PCNX4: variants seen among roughly 807,000 people sequenced by gnomAD.
PCNX4 encodes pecanex 4.
PCNX4 carries 103 observed loss-of-function variants against 107.2 expected under a neutral mutation model. The ratio of observed to expected loss-of-function variants is 0.96; its 90% CI spans 0.82 to 1.13. PCNX4 has a LOEUF of 1.13. Ranked by LOEUF, PCNX4 falls within the 50% of genes most tolerant of loss-of-function variation. The pLI, the probability that PCNX4 is intolerant of heterozygous loss-of-function variation, is 0.00. For missense variants in PCNX4, 1,528 were observed against 1,379.4 expected, an observed-to-expected ratio of 1.11 and a Z score of -1.71; for synonymous variants, 541 against 481.7, an observed-to-expected ratio of 1.12 and a Z score of -1.61.
intron 10 of PCNX4, among the ~76,000 whole-genome samples, chr14:60,129,898 C>T (rs771943096): frequency 6.6e-6 from 1 of 151,530 alleles, no homozygotes. Context: ...ATAGTCAATA[C>T]GAGAGAAAGT....
At chr14:60,103,259 A>G (rs757823570) in intron 1 of PCNX4, among the ~76,000 whole-genome samples, 6 of 152,194 alleles carry the variant, frequency 3.9e-5, no homozygotes, top group African/African-American at 7.2e-5. Flanking sequence ...CATTAGTTAC[A>G]TGATCTGTTA....
rs1895840559 is a variant in PCNX4, at chr14:60,115,969, T to A, written c.1487T>A (p.Leu496Ter). The A allele has an allele frequency of 6.2e-7, 1 of 1,611,888 alleles. No homozygotes were observed. The highest frequency in any genetic ancestry group is 1.1e-5 in the South Asian group (1 of 90,736). The change falls in exon 6 of 11, where the codon TTG (leucine) becomes TAG (stop). Residue 496 changes from leucine to a stop codon, truncating the protein, a stop_gained. Coordinates refer to ENST00000406854, the MANE Select transcript of PCNX4 (RefSeq NM_001330177.2). LOFTEE classifies it high-confidence loss of function. ...MVWQNTENAL[L>*]ETVIVSTVHL... ...TGGCAGAATACAGAAAATGCTTTAT[T>A]GGAGACAGTCATTGTATCAACAGTA...
In PCNX4 at chr14:60,114,844, C is replaced by T. The variant is rs1238261832; in HGVS notation, c.834C>T (p.Phe278=). The change falls in exon 3 of 11, where the codon TTC becomes TTT. Residue 278 remains phenylalanine (F), a synonymous_variant. Coordinates refer to ENST00000406854, the MANE Select transcript of PCNX4 (RefSeq NM_001330177.2). ...GGGCAATGGAGCAGGTTTTAGAGTT[C>T]GGCCTTGGAGGCTCATCTATGTCAA... is the stretch of plus-strand genomic sequence containing the variant. ...LLWAMEQVLE[F]GLGGSSMSTH... is the part of the protein sequence containing the mutation. The T allele has an allele frequency of 6.2e-6, 10 of 1,613,264 alleles. No homozygotes were observed. Among genetic ancestry groups the T allele is most frequent in the Non-Finnish European group, 6.8e-6 (8 of 1,179,618 alleles).
intron 2 of PCNX4, among the ~76,000 whole-genome samples, chr14:60,113,073 T>G (rs761614281): frequency 6.6e-6 from 1 of 151,968 alleles, no homozygotes; most frequent in Non-Finnish European, 1.5e-5. Flanking sequence ...TCCCAGCTAC[T>G]GGGGGGCTGA....
chr14:60,127,752 T>G (rs930245741), intron 10 of PCNX4, among the ~76,000 whole-genome samples: 1 of 152,022 alleles, frequency 6.6e-6, no homozygotes, highest in African/African-American at 2.4e-5. Flanking sequence ...AACCCATATA[T>G]CGGGGGAAAA....
chr14:60,107,339 A>C (rs1475988529), intron 1 of PCNX4, among the ~76,000 whole-genome samples: 1 of 152,214 alleles, frequency 6.6e-6, no homozygotes, highest in Admixed American at 6.5e-5. Context: ...CTGTGATCAC[A>C]GTACACTCCA....
intron 2 of PCNX4, chr14:60,111,104 T>A (rs1394292129): frequency 6.1e-6 from 1 of 164,264 alleles, no homozygotes; most frequent in Non-Finnish European, 1.5e-5. Context: ...CAGCCTGATC[T>A]TGTACTTGTA....
At chr14:60,133,794 T>C (rs1318595163) in intron 10 of PCNX4, 176 bp from the exon 11 acceptor site, 4 of 683,548 alleles carry the variant, frequency 5.9e-6, no homozygotes, top group Non-Finnish European at 7.5e-6. Context: ...AGGTAATTCT[T>C]GATTCTGAAT....
chr14:60,115,697 C>A (rs371218746), intron 4 of PCNX4, 22 bp from the exon 5 acceptor site: 3 of 1,588,202 alleles, frequency 1.9e-6, no homozygotes, highest in Non-Finnish European at 1.7e-6. Context: ...AATTAAATTT[C>A]TCTCTTTTTG....
At position 60,144,531 on chromosome 14, in the gene PCNX4, G is replaced by T. The variant is rs191422958; in HGVS notation, c.*10310G>T. 83 of 181,234 alleles carry T rather than the reference G, an allele frequency of 4.6e-4. No homozygotes were observed. In the Admixed American group the frequency reaches 4.9e-3, roughly 11 times the overall value. 11.2% of individuals were successfully genotyped at this position (181,234 alleles called of 1,614,324 possible). A position where few individuals can be genotyped will look rare whatever the true frequency, so the allele number is the denominator to read the frequency against. ...CCACTGTGGAGGATGCAGCAATGAG[G>T]TGCCATCTTGGAAGCAGAGATCAGC... On this transcript the variant is annotated 3_prime_UTR_variant, in exon 11 of 11. Transcript: ENST00000406854.
chr14:60,124,991 T>G lies in PCNX4; in HGVS notation c.2820T>G (p.Phe940Leu). 6.2e-7 allele frequency: 1 copy of G among 1,613,846 alleles called. No individual in the cohort carries two copies. The highest frequency in any genetic ancestry group is 8.5e-7 in the Non-Finnish European group (1 of 1,179,772). The change falls in exon 9 of 11, where the codon TTT (phenylalanine) becomes TTG (leucine). Residue 940 changes from phenylalanine (F) to leucine (L), a missense_variant. Transcript: ENST00000406854. The stretch of plus-strand genomic sequence containing the variant: ...TATTTCCAGAAGACTGGTACCAATT[T>G]GTTCTAAGGCAGTTGGAATGTTATC... ...SSLFPEDWYQFVLRQLECYHS... is the reference protein window; with the variant it reads ...SSLFPEDWYQLVLRQLECYHS...
intron 2 of PCNX4, among the ~76,000 whole-genome samples, chr14:60,113,267 A>G (rs1895775198): frequency 6.6e-6 from 1 of 152,252 alleles, no homozygotes; most frequent in Non-Finnish European, 1.5e-5. Flanking sequence ...CAAACATAAA[A>G]TGGCGTTACT....
At position 60,101,076 on chromosome 14, in the gene PCNX4, C is replaced by T. The variant is rs535211033; in HGVS notation, c.-53-6510C>T. Among the ~76,000 whole-genome samples, 6 of 152,342 alleles carry T rather than the reference C, an allele frequency of 3.9e-5. No homozygotes were observed. In the South Asian group the frequency reaches 8.3e-4, roughly 21 times the overall value. On this transcript the variant is annotated intron_variant, in intron 1 of 10. Coordinates refer to ENST00000406854, the MANE Select transcript of PCNX4 (RefSeq NM_001330177.2). ...CCACAATCCTTTATCTTAACCTGAA[C>T]ATTTCTTTTCTGTTGATCCCAGGTC...
At chr14:60,116,311 A>G (rs1324843438) in intron 6 of PCNX4, among the ~76,000 whole-genome samples, 2 of 152,160 alleles carry the variant, frequency 1.3e-5, no homozygotes, top group African/African-American at 2.4e-5. Context: ...GATACTTCAC[A>G]TGAATGGAAT....
rs1340863983 is a variant in PCNX4 at position 60,140,435 on chromosome 14, C to A, written c.*6214C>A. The stretch of plus-strand genomic sequence containing the variant: ...ATGGAAAGACAATCTTAAATTCTTA[C>A]AAAGAGCAGTAGAAATGCAGGAACC... On this transcript the variant is annotated 3_prime_UTR_variant, in exon 11 of 11. Transcript: ENST00000406854. This position sits in a 1 kb window ranked among gnomAD's most constrained non-coding sequence, Gnocchi z 4.2. 2.0e-5 allele frequency: 3 copies of A among 152,120 alleles called. No individual in the cohort carries two copies. Among genetic ancestry groups the A allele is most frequent in the African/African-American group, 7.2e-5 (3 of 41,420 alleles). The allele number at this position is 152,120 out of a possible 1,614,324, so 9.4% of individuals were successfully genotyped here.
At chr14:60,098,062 G>C (rs543367754) in intron 1 of PCNX4, among the ~76,000 whole-genome samples, 11 of 152,052 alleles carry the variant, frequency 7.2e-5, no homozygotes, top group African/African-American at 2.7e-4. Flanking sequence ...AAATCCAAAG[G>C]GCATCAGCCT....
intron 10 of PCNX4, among the ~76,000 whole-genome samples, chr14:60,131,541 C>T (rs867381041): frequency 3.4e-4 from 51 of 152,144 alleles, no homozygotes; most frequent in South Asian, 2.1e-4. Flanking sequence ...AACTACAAAA[C>T]ATTGTTAAAA....
intron 1 of PCNX4, among the ~76,000 whole-genome samples, chr14:60,094,640 C>A (rs1032174432): frequency 1.3e-5 from 2 of 151,842 alleles, no homozygotes; most frequent in African/African-American, 4.9e-5. Context: ...GCAAACCAGA[C>A]AGCCCAGACC....
At chr14:60,120,019 C>A (rs1200120888) in intron 7 of PCNX4, among the ~76,000 whole-genome samples, 1 of 152,104 alleles carries the variant, frequency 6.6e-6, no homozygotes, top group Non-Finnish European at 1.5e-5. Flanking sequence ...TTAGTGATTC[C>A]AGTTCTAGAG....
Sources: gnomAD v4.1 joint callset for allele counts (sites outside exome capture counted in the v4.1 genomes callset) on GRCh38, gnomAD v4.1.1 for gene constraint, Gnocchi (gnomAD v3.1) non-coding constraint, MANE v1.5 for transcripts, NCBI Gene and HGNC (gene_info 2026-07-23, HGNC 2026-07-21) for gene names.